Variants in EPHA5 observed in about 807,000 individuals in gnomAD.
The protein encoded by EPHA5 is ephrin type-A receptor 5.
EPHA5 carries 60 observed loss-of-function variants against 105.0 expected under a neutral mutation model. That is an observed-to-expected ratio of 0.57 (90% CI 0.46 to 0.71). EPHA5 has a LOEUF of 0.71. EPHA5 is among the 30% of genes least tolerant of loss of function. EPHA5 has a pLI of 0.00. For synonymous variants in EPHA5, 513 were observed against 449.1 expected (o/e 1.14, Z -1.80); for missense variants, 1,218 against 1,274.7 (o/e 0.96, Z 0.68).
intron 3 of EPHA5, among the ~76,000 whole-genome samples, chr4:65,545,611 C>T (rs936994959): frequency 2.0e-5 from 3 of 151,708 alleles, no homozygotes; most frequent in African/African-American, 7.3e-5. Context: ...AAACATAAAA[C>T]AAAGAATTCA....
chr4:65,658,553 A>G (rs1749266418), intron 1 of EPHA5, among the ~76,000 whole-genome samples: 1 of 152,142 alleles, frequency 6.6e-6, no homozygotes, highest in African/African-American at 2.4e-5. Flanking sequence ...CTGTTTTAAT[A>G]CATGTAATAC....
At chr4:65,653,615 G>T (rs1325284787) in intron 1 of EPHA5, among the ~76,000 whole-genome samples, 1 of 151,858 alleles carries the variant, frequency 6.6e-6, no homozygotes, top group Non-Finnish European at 1.5e-5. Context: ...GTATAAAATT[G>T]TTGTAGTATT....
chr4:65,427,295 C>CT (rs548338219), intron 5 of EPHA5, among the ~76,000 whole-genome samples: 190 of 151,262 alleles, frequency 1.3e-3, no homozygotes, highest in African/African-American at 4.4e-3. Context: ...AGCGATTCTC[C>CT]TGCCTCAGCC....
At chr4:65,440,091 A>T (rs1725867501) in intron 5 of EPHA5, among the ~76,000 whole-genome samples, 1 of 152,096 alleles carries the variant, frequency 6.6e-6, no homozygotes, top group Non-Finnish European at 1.5e-5. Context: ...TACTGTAAAC[A>T]TTTAATAATA....
intron 3 of EPHA5, among the ~76,000 whole-genome samples, chr4:65,500,010 A>C (rs1174098219): frequency 6.6e-6 from 1 of 151,348 alleles, no homozygotes; most frequent in Non-Finnish European, 1.5e-5. Context: ...ATGAAGATAC[A>C]AGTGTATTTC....
At chr4:65,579,377 A>ATATATATATATAT (rs1560727039) in intron 3 of EPHA5, among the ~76,000 whole-genome samples, 1 of 92,272 alleles carries the variant, frequency 1.1e-5, no homozygotes, top group African/African-American at 3.9e-5. Context: ...TATATATATA[A>ATATATATATATAT]ATATATATAT....
At chr4:65,369,980 A>G (rs1301901384) in intron 8 of EPHA5, among the ~76,000 whole-genome samples, 2 of 152,090 alleles carry the variant, frequency 1.3e-5, no homozygotes, top group African/African-American at 2.4e-5. Context: ...AACAACAACA[A>G]CAAAATACAG....
At chr4:65,502,889 A>G (rs1043395830) in intron 3 of EPHA5, among the ~76,000 whole-genome samples, 4 of 151,838 alleles carry the variant, frequency 2.6e-5, no homozygotes, top group Non-Finnish European at 5.9e-5. Context: ...TGGACTGGAT[A>G]AAGAAGATGT....
chr4:65,616,456 G>C (rs73824354), intron 2 of EPHA5, among the ~76,000 whole-genome samples: 30,658 of 95,398 alleles, frequency 0.32, 3,119 homozygotes, highest in Non-Finnish European at 0.33. Flanking sequence ...CACACACACA[G>C]AGAGAGAGAG....
At chr4:65,431,378 G>A (rs374960716) in intron 5 of EPHA5, among the ~76,000 whole-genome samples, 2 of 151,978 alleles carry the variant, frequency 1.3e-5, no homozygotes, top group Non-Finnish European at 2.9e-5. Flanking sequence ...GATACTTCAC[G>A]ATTAATAAAT....
intron 8 of EPHA5, among the ~76,000 whole-genome samples, chr4:65,387,641 A>C (rs1720238679): frequency 6.6e-6 from 1 of 151,918 alleles, no homozygotes; most frequent in Admixed American, 6.6e-5. Context: ...AAAAGACTAC[A>C]GTATGTACGT....
At chr4:65,533,785 T>G (rs1370072028) in intron 3 of EPHA5, among the ~76,000 whole-genome samples, 1 of 151,950 alleles carries the variant, frequency 6.6e-6, no homozygotes, top group Non-Finnish European at 1.5e-5. Context: ...AATACAAAAA[T>G]TAGCTGGGTG....
chr4:65,479,796 T>C (rs1730178679), intron 5 of EPHA5, among the ~76,000 whole-genome samples: 2 of 152,158 alleles, frequency 1.3e-5, no homozygotes, highest in Admixed American at 6.6e-5. Flanking sequence ...GAAAAAATTA[T>C]ATACAATAAG....
chr4:65,576,468 C>A (rs1479340176), intron 3 of EPHA5, among the ~76,000 whole-genome samples: 2 of 152,150 alleles, frequency 1.3e-5, no homozygotes, highest in Admixed American at 1.3e-4. Flanking sequence ...ATGTTATGTT[C>A]TGCAAAATGT....
chr4:65,512,058 C>G (rs115404406), intron 3 of EPHA5, among the ~76,000 whole-genome samples: 2,160 of 152,154 alleles, frequency 0.014, 67 homozygotes, highest in African/African-American at 0.049. Flanking sequence ...TTGATAAGTG[C>G]TATAAGAGGT....
At chr4:65,600,649 C>T (rs1384409124) in intron 3 of EPHA5, among the ~76,000 whole-genome samples, 1 of 152,084 alleles carries the variant, frequency 6.6e-6, no homozygotes, top group African/African-American at 2.4e-5. Context: ...CCAGGTGGGA[C>T]TAAGGGGCTG....
At chr4:65,528,049 C>A (rs536863191) in intron 3 of EPHA5, among the ~76,000 whole-genome samples, 140 of 152,072 alleles carry the variant, frequency 9.2e-4, no homozygotes, top group African/African-American at 3.3e-3. Flanking sequence ...TATTATAGGG[C>A]TGGAATTTTA....
chr4:65,555,459 A>T (rs1475810788), intron 3 of EPHA5, among the ~76,000 whole-genome samples: 1 of 151,866 alleles, frequency 6.6e-6, no homozygotes, highest in Non-Finnish European at 1.5e-5. Flanking sequence ...TAAGCTTAAT[A>T]CCTGGATGAT....
In EPHA5 at chr4:65,404,573, T is replaced by G. The variant is rs993027584; in HGVS notation, c.1688-94A>C. 4.8e-6 allele frequency: 5 copies of G among 1,032,778 alleles called. No homozygotes were observed. In the African/African-American group the frequency reaches 6.4e-5, roughly 13 times the overall value. 64.0% of individuals were successfully genotyped at this position (1,032,778 alleles called of 1,614,324 possible). On this transcript the variant is annotated intron_variant, in intron 7 of 16. Transcript: ENST00000613740. ...TAATAGACAGTAATCAATTCATGAT[T>G]TAAGCAATTTACCCACACTTAGCTG... is the stretch of plus-strand genomic sequence containing the variant.
Sources: allele counts gnomAD v4.1 joint callset (sites outside exome capture counted in the v4.1 genomes callset), GRCh38; gene constraint gnomAD v4.1.1; transcripts MANE v1.5; gene names NCBI Gene and HGNC (gene_info 2026-07-23, HGNC 2026-07-21).